HOOK1: variants seen among roughly 807,000 people sequenced by gnomAD.
The protein encoded by HOOK1 is hook microtubule tethering protein 1, also known as protein Hook homolog 1.
In HOOK1, 60 loss-of-function variants were observed where a neutral mutation model predicts 112.8. That is an observed-to-expected ratio of 0.53 (90% CI 0.43 to 0.66). The LOEUF is 0.66. Ranked by LOEUF, HOOK1 falls within the 30% of genes least tolerant of loss-of-function variation. The pLI, the probability that HOOK1 is intolerant of heterozygous loss-of-function variation, is 0.00. For synonymous variants in HOOK1, 294 were observed against 283.8 expected, an observed-to-expected ratio of 1.04 and a Z score of -0.36; for missense variants, 770 against 856.0, an observed-to-expected ratio of 0.90 and a Z score of 1.25.
chr1:59,868,614 C>G (rs1644007427), intron 20 of HOOK1, among the ~76,000 whole-genome samples: 3 of 152,174 alleles, frequency 2.0e-5, no homozygotes, highest in Non-Finnish European at 4.4e-5. Flanking sequence ...CCCTGACTTT[C>G]TAATAGAGAC....
chr1:59,848,844 A>G (rs527810077), intron 11 of HOOK1, among the ~76,000 whole-genome samples: 1 of 151,224 alleles, frequency 6.6e-6, no homozygotes, highest in African/African-American at 2.4e-5. Context: ...AAATAGCATT[A>G]GTAGGCTGAC....
intron 12 of HOOK1, among the ~76,000 whole-genome samples, chr1:59,851,253 GATTA>G (rs552905008): frequency 2.0e-5 from 3 of 151,546 alleles, no homozygotes; most frequent in Admixed American, 6.6e-5. Flanking sequence ...TTGATCTATA[GATTA>G]ATTTAGAAAT....
chr1:59,831,697 A>T (rs981841847), intron 3 of HOOK1, among the ~76,000 whole-genome samples: 10 of 152,200 alleles, frequency 6.6e-5, no homozygotes, highest in Non-Finnish European at 1.0e-4. Context: ...CCTATGCTGT[A>T]GTCTGAAAAT....
At chr1:59,863,287 C>A (rs1355065766) in intron 16 of HOOK1, among the ~76,000 whole-genome samples, 2 of 152,064 alleles carry the variant, frequency 1.3e-5, no homozygotes, top group Admixed American at 6.6e-5. Context: ...ATTGAGGAAA[C>A]CTTCTAATAG....
rs2102042228 is a variant in HOOK1 at position 59,847,090 on chromosome 1, T to C, written c.834T>C (p.Leu278=). Residue 278 remains leucine (L), a synonymous_variant, in exon 10 of 22, where the codon CTT becomes CTC. Coordinates refer to ENST00000371208, the MANE Select transcript of HOOK1 (RefSeq NM_015888.6). ...ATTACCGTGTTCACTGTGAAGAACTTGAAAAGCAGCTAATCGAATTCCAGC... is the reference window on the plus strand; with the variant it reads ...ATTACCGTGTTCACTGTGAAGAACTCGAAAAGCAGCTAATCGAATTCCAGC... ...KDDYRVHCEE[L]EKQLIEFQHR... The C allele has an allele frequency of 6.2e-7, 1 of 1,609,576 alleles. No homozygotes were observed. The highest frequency in any genetic ancestry group is 8.5e-7 in the Non-Finnish European group (1 of 1,177,470).
rs534301796 is a variant in HOOK1, at chr1:59,815,005, C to A, written c.-113C>A. ...TCGCGCGTGAGCTGCGCGGGTCGGG[C>A]CTGGTACCGAGCTTTCCTGGGGGCT... On this transcript the variant is annotated 5_prime_UTR_variant, in exon 1 of 22. Coordinates refer to ENST00000371208, the MANE Select transcript of HOOK1 (RefSeq NM_015888.6). 6.3e-6 allele frequency: 7 copies of A among 1,105,364 alleles called. No individual in the cohort carries two copies. The highest frequency in any genetic ancestry group is 5.5e-5 in the South Asian group (4 of 72,980). The allele number at this position is 1,105,364 out of a possible 1,614,324, so 68.5% of individuals were successfully genotyped here.
At chr1:59,854,011 TATATATATATATATATATATATATA>T (rs1559056824) in intron 12 of HOOK1, among the ~76,000 whole-genome samples, 137 of 18,296 alleles carry the variant, frequency 7.5e-3, no homozygotes, top group Non-Finnish European at 0.015. Context: ...AATATATATA[TATATATATATATATATATATATATA>T]TATTTTTTTT....
At chr1:59,864,957 G>A in intron 17 of HOOK1, 1 of 566,838 alleles carries the variant, frequency 1.8e-6, no homozygotes, top group Non-Finnish European at 3.2e-6. Context: ...TACTTTCTTA[G>A]GAAGCAAGGG....
In HOOK1 at chr1:59,815,004, G is replaced by A. The variant is rs2098380005; in HGVS notation, c.-114G>A. 7.3e-6 allele frequency: 8 copies of A among 1,097,720 alleles called. No individual in the cohort carries two copies. Among genetic ancestry groups the A allele is most frequent in the East Asian group, 2.6e-5 (1 of 38,690 alleles). The allele number at this position is 1,097,720 out of a possible 1,614,324, so 68.0% of individuals were successfully genotyped here. Reference sequence around the variant, plus strand: ...TTCGCGCGTGAGCTGCGCGGGTCGGGCCTGGTACCGAGCTTTCCTGGGGGC... The same window carrying A: ...TTCGCGCGTGAGCTGCGCGGGTCGGACCTGGTACCGAGCTTTCCTGGGGGC... On this transcript the variant is annotated 5_prime_UTR_variant, in exon 1 of 22. Coordinates refer to ENST00000371208, the MANE Select transcript of HOOK1 (RefSeq NM_015888.6).
chr1:59,855,637 A>G (rs2098410047), intron 12 of HOOK1, among the ~76,000 whole-genome samples: 1 of 151,748 alleles, frequency 6.6e-6, no homozygotes, highest in African/African-American at 2.4e-5. Flanking sequence ...AAATTTTATA[A>G]CTTTTCATAA....
intron 12 of HOOK1, among the ~76,000 whole-genome samples, chr1:59,857,778 A>C (rs769773727): frequency 3.3e-5 from 5 of 152,206 alleles, no homozygotes; most frequent in Non-Finnish European, 5.9e-5. Context: ...TTCGTAACCT[A>C]GAAGTTTGTC....
intron 19 of HOOK1, 54 bp from the exon 20 acceptor site, chr1:59,868,196 A>G (rs1643999508): frequency 2.1e-6 from 2 of 940,644 alleles, no homozygotes; most frequent in South Asian, 1.4e-5. Flanking sequence ...TATGTTCTAT[A>G]TGTTTTAATA....
chr1:59,845,516 G>C (rs914972182), intron 9 of HOOK1, among the ~76,000 whole-genome samples: 11 of 151,504 alleles, frequency 7.3e-5, no homozygotes, highest in African/African-American at 2.7e-4. Context: ...TGTTCGATGT[G>C]CTTTCTGTCA....
intron 1 of HOOK1, 111 bp from the exon 2 acceptor site, chr1:59,821,747 A>ATGTTTTTTTTTTT: frequency 1.4e-6 from 1 of 704,022 alleles, no homozygotes; most frequent in African/African-American, 1.9e-5. Flanking sequence ...AAACAGGACC[A>ATGTTTTTTTTTTT]TGTTTTTTTT....
chr1:59,839,631 G>A (rs1483699090), intron 7 of HOOK1, among the ~76,000 whole-genome samples: 16 of 152,128 alleles, frequency 1.1e-4, no homozygotes, highest in Non-Finnish European at 2.4e-4. Flanking sequence ...CATGTCATCT[G>A]CAAACAGAGA....
intron 2 of HOOK1, among the ~76,000 whole-genome samples, chr1:59,823,191 G>A (rs1327940886): frequency 2.0e-5 from 3 of 152,064 alleles, no homozygotes; most frequent in Admixed American, 6.5e-5. Flanking sequence ...ATGGTGGCGG[G>A]CGCCTGTAGT....
chr1:59,828,843 G>T lies in HOOK1; in HGVS notation c.213G>T (p.Trp71Cys). Residue 71 changes from tryptophan to cysteine, a missense_variant, in exon 3 of 22, where the codon TGG becomes TGT. Physicochemically the swap from Trp to Cys is radical, Grantham distance 215 (BLOSUM62 -2). Around this residue, in one of 3 missense-constraint regions of HOOK1, gnomAD observed 655 missense variants for 725.9 expected, o/e 0.90. Coordinates refer to ENST00000371208, the MANE Select transcript of HOOK1 (RefSeq NM_015888.6). ...TTAAAGAGGATGTTGGGGACAACTG[G>T]AGAATAAAGGTATGCAGAACAAATG... Reference protein sequence around the residue: ...SRIKEDVGDNWRIKASNVKKV... With the variant: ...SRIKEDVGDNCRIKASNVKKV... 6.2e-7 allele frequency: 1 copy of T among 1,612,710 alleles called. No individual in the cohort carries two copies.
At chr1:59,852,113 TG>T (rs1413464053) in intron 12 of HOOK1, among the ~76,000 whole-genome samples, 2 of 151,890 alleles carry the variant, frequency 1.3e-5, no homozygotes, top group East Asian at 3.9e-4. Flanking sequence ...TAAGGGATAT[TG>T]GTTTGTAATG....
At chr1:59,833,862 A>G (rs976659296) in intron 5 of HOOK1, among the ~76,000 whole-genome samples, 1 of 152,204 alleles carries the variant, frequency 6.6e-6, no homozygotes, top group African/African-American at 2.4e-5. Flanking sequence ...TCTATTTTAC[A>G]TGTAAGAACC....
Sources: allele counts gnomAD v4.1 joint callset (sites outside exome capture counted in the v4.1 genomes callset), GRCh38; gene constraint gnomAD v4.1.1; regional missense constraint gnomAD v4.1.1; transcripts MANE v1.5; gene names NCBI Gene and HGNC (gene_info 2026-07-23, HGNC 2026-07-21).